Variants in PDE12 observed in about 807,000 individuals in gnomAD.
PDE12 encodes the protein 2',5'-phosphodiesterase 12.
In PDE12, 26 loss-of-function variants were observed where a neutral mutation model predicts 45.4. That is an observed-to-expected ratio of 0.57 (90% CI 0.42 to 0.79). The LOEUF is 0.79. Ranked by LOEUF, PDE12 falls within the 30% of genes least tolerant of loss-of-function variation. The pLI is 0.00. For synonymous variants in PDE12, 283 were observed against 323.9 expected, an observed-to-expected ratio of 0.87 and a Z score of 1.36; for missense variants, 668 against 790.0, an observed-to-expected ratio of 0.85 and a Z score of 1.85.
chr3:57,590,526 G>A, the PDE12 span, among the ~76,000 whole-genome samples: 1 of 152,062 alleles, frequency 6.6e-6, no homozygotes, highest in Admixed American at 6.5e-5. Flanking sequence ...TCAACTTTGA[G>A]GGAGAAAAAA....
chr3:57,629,605 G>A, the PDE12 span, among the ~76,000 whole-genome samples: 3 of 146,770 alleles, frequency 2.0e-5, no homozygotes, highest in Non-Finnish European at 4.5e-5. Flanking sequence ...TCCGCCTCCC[G>A]GGTTCACGCC....
At chr3:57,624,072 C>T in the PDE12 span, among the ~76,000 whole-genome samples, 1 of 152,062 alleles carries the variant, frequency 6.6e-6, no homozygotes, top group Admixed American at 6.5e-5. Flanking sequence ...ACTGCAGCCT[C>T]GAACTCCTGG....
At chr3:57,630,405 C>T in the PDE12 span, 1 of 1,566,600 alleles carries the variant, frequency 6.4e-7, no homozygotes, top group Non-Finnish European at 8.6e-7. Context: ...ATTACACAAA[C>T]ACACAGTTTT....
the PDE12 span, among the ~76,000 whole-genome samples, chr3:57,612,766 C>T: frequency 2.4e-5 from 3 of 123,860 alleles, no homozygotes; most frequent in East Asian, 2.8e-4. Flanking sequence ...TGAGAGTCCA[C>T]CTCAAAAAAA....
chr3:57,577,197 T>C, the PDE12 span: 1 of 818,050 alleles, frequency 1.2e-6, no homozygotes, highest in South Asian at 1.7e-5. Flanking sequence ...CTTAAGTTTA[T>C]TTCTAGCCCC....
At chr3:57,567,703 A>G (rs562299751), downstream of PDE12, among the ~76,000 whole-genome samples, 14 of 152,300 alleles carry the variant, frequency 9.2e-5, no homozygotes, top group East Asian at 2.7e-3. Flanking sequence ...TTTCATACTA[A>G]TTCTACCAAA....
the PDE12 span, among the ~76,000 whole-genome samples, chr3:57,607,995 G>A: frequency 1.3e-5 from 2 of 152,030 alleles, no homozygotes; most frequent in Non-Finnish European, 2.9e-5. Context: ...GAGAAAGGTC[G>A]GGTTACTCAC....
At chr3:57,579,451 C>A in the PDE12 span, among the ~76,000 whole-genome samples, 25 of 151,914 alleles carry the variant, frequency 1.6e-4, 1 homozygote, top group South Asian at 5.2e-3. Flanking sequence ...TTACACCTGG[C>A]TAATTTTTGT....
chr3:57,574,560 C>G, the PDE12 span, among the ~76,000 whole-genome samples: 4 of 152,056 alleles, frequency 2.6e-5, no homozygotes, highest in Admixed American at 1.3e-4. Context: ...AAGGCACATG[C>G]CACCACACCC....
the PDE12 span, chr3:57,627,454 A>C: frequency 6.6e-6 from 1 of 152,178 alleles, no homozygotes; most frequent in Non-Finnish European, 1.5e-5. Flanking sequence ...TAATGTTTAA[A>C]TTAGTAAAGG....
the PDE12 span, among the ~76,000 whole-genome samples, chr3:57,629,678 A>ATT: frequency 2.2e-4 from 30 of 136,490 alleles, no homozygotes; most frequent in African/African-American, 7.6e-4. Flanking sequence ...CGCCCGGCTA[A>ATT]TTTTTTTTTT....
At chr3:57,602,454 T>G in the PDE12 span, among the ~76,000 whole-genome samples, 1 of 152,326 alleles carries the variant, frequency 6.6e-6, no homozygotes, top group African/African-American at 2.4e-5. Flanking sequence ...AGAAGGGGAT[T>G]GGTATGTGAA....
At chr3:57,620,514 A>T in the PDE12 span, among the ~76,000 whole-genome samples, 1 of 152,314 alleles carries the variant, frequency 6.6e-6, no homozygotes, top group Non-Finnish European at 1.5e-5. Flanking sequence ...AAGGTCATCC[A>T]GATTGGAAAG....
chr3:57,631,996 A>G, the PDE12 span, among the ~76,000 whole-genome samples: 1 of 141,748 alleles, frequency 7.1e-6, no homozygotes, highest in African/African-American at 2.6e-5. Flanking sequence ...TGCTGGGATT[A>G]CAGGCGTGAG....
the PDE12 span, among the ~76,000 whole-genome samples, chr3:57,650,319 T>TTGCAGCAGAGA: frequency 6.6e-4 from 99 of 150,238 alleles, no homozygotes; most frequent in African/African-American, 2.3e-3. Flanking sequence ...AAAAAAAAAG[T>TTGCAGCAGAGA]TGCAGCAGAG....
chr3:57,597,189 AC>A, the PDE12 span: 3 of 1,555,380 alleles, frequency 1.9e-6, no homozygotes. Context: ...GTTTGGGGCG[AC>A]CCCGTGCTTT....
chr3:57,622,330 G>C, the PDE12 span, among the ~76,000 whole-genome samples: 1 of 152,168 alleles, frequency 6.6e-6, no homozygotes, highest in African/African-American at 2.4e-5. Flanking sequence ...AAGATGCTCA[G>C]CATCAAAGGT....
chr3:57,630,649 T>C, the PDE12 span: 2 of 1,556,460 alleles, frequency 1.3e-6, no homozygotes, highest in East Asian at 2.2e-5. Flanking sequence ...AGCTTAAGTT[T>C]AGCTTTTTGT....
In PDE12 at chr3:57,559,902, T is replaced by A. The variant is rs1220962639; in HGVS notation, c.1728T>A (p.Ile576=). 1.9e-6 allele frequency: 3 copies of A among 1,613,976 alleles called. No individual in the cohort carries two copies. The highest frequency in any genetic ancestry group is 2.5e-6 in the Non-Finnish European group (3 of 1,180,040). ...DLNALEVEQV[I]PLPSHEEVTT... ...ATGCTTTAGAGGTTGAACAGGTGAT[T>A]CCATTACCTAGTCATGAAGAAGTTA... The change falls in exon 3 of 3, where the codon ATT becomes ATA. Residue 576 remains isoleucine (I), a synonymous_variant. Coordinates refer to ENST00000311180, the MANE Select transcript of PDE12 (RefSeq NM_177966.7).
Sources: gnomAD v4.1 joint callset for allele counts (sites outside exome capture counted in the v4.1 genomes callset) on GRCh38, gnomAD v4.1.1 for gene constraint, MANE v1.5 for transcripts, NCBI Gene and HGNC (gene_info 2026-07-23, HGNC 2026-07-21) for gene names.